Variants in TSPAN8 observed in about 807,000 individuals in gnomAD.
TSPAN8 encodes tetraspanin 8.
A neutral mutation model predicts 32.8 loss-of-function variants in TSPAN8; 21 were observed. The observed-to-expected ratio is 0.64, with a 90% CI of 0.45 to 0.92. The LOEUF (loss-of-function observed/expected upper bound fraction) is 0.92. Among genes scored for constraint, TSPAN8 ranks in the 40% least tolerant of loss-of-function variants. TSPAN8 has a pLI of 0.00. For synonymous variants in TSPAN8, 95 were observed against 94.6 expected (o/e 1.00, Z -0.03); for missense variants, 269 against 281.9 (o/e 0.95, Z 0.33).
intron 8 of TSPAN8, among the ~76,000 whole-genome samples, chr12:71,125,766 A>C (rs1390206): frequency 0.82 from 125,148 of 152,024 alleles, 51,688 homozygotes; most frequent in Admixed American, 0.87. Flanking sequence ...AATATACGTA[A>C]TGCTTCCATA....
At chr12:71,135,260 GAAGA>G (rs2137049447) in intron 6 of TSPAN8, among the ~76,000 whole-genome samples, 1 of 52,702 alleles carries the variant, frequency 1.9e-5, no homozygotes, top group Non-Finnish European at 5.0e-5. Context: ...GAGGAGGTAA[GAAGA>G]GGAGGAGGAG....
intron 8 of TSPAN8, among the ~76,000 whole-genome samples, chr12:71,127,708 T>C (rs1871390728): frequency 6.6e-6 from 1 of 152,220 alleles, no homozygotes; most frequent in Non-Finnish European, 1.5e-5. Context: ...TTTTGTAATC[T>C]TATTTTCCAC....
intron 8 of TSPAN8, among the ~76,000 whole-genome samples, chr12:71,126,840 T>C (rs1159585768): frequency 2.0e-5 from 3 of 151,750 alleles, no homozygotes; most frequent in African/African-American, 7.2e-5. Context: ...ATGAGGAGAG[T>C]ATGATAGTCT....
At chr12:71,136,264 T>C (rs1871694384) in intron 6 of TSPAN8, among the ~76,000 whole-genome samples, 1 of 152,174 alleles carries the variant, frequency 6.6e-6, no homozygotes, top group African/African-American at 2.4e-5. Flanking sequence ...TACTAAATAA[T>C]GTAAATCCTA....
chr12:71,157,243 C>T lies in TSPAN8; in HGVS notation c.60+376G>A, dbSNP rs899214432. On this transcript the variant is annotated intron_variant, in intron 2 of 8. Coordinates refer to ENST00000247829, the MANE Select transcript of TSPAN8 (RefSeq NM_004616.3). ...GAAGTGAAGGGCGGGAATCAGGACC[C>T]GGGCTCCGGATGGAATCAGACCATG... is the stretch of plus-strand genomic sequence containing the variant. The T allele has an allele frequency of 3.4e-5, 6 of 174,338 alleles. No homozygotes were observed. In the South Asian group the frequency reaches 4.5e-4, roughly 13 times the overall value. The allele number at this position is 174,338 out of a possible 1,614,324, so 10.8% of individuals were successfully genotyped here.
rs1565785305 is a variant in TSPAN8, at chr12:71,137,945, C to G, written c.444+8G>C. ...AACTCTTTAAAATGAACAATGAATT[C>G]TAATTACCTCTTCTTGAAACACAAT... is the stretch of plus-strand genomic sequence containing the variant. On this transcript the variant is annotated splice_region_variant and intron_variant, in intron 6 of 8. Transcript: ENST00000247829. The G allele has an allele frequency of 6.2e-7, 1 of 1,608,214 alleles. No homozygotes were observed. Among genetic ancestry groups the G allele is most frequent in the Admixed American group, 1.7e-5 (1 of 59,272 alleles).
intron 8 of TSPAN8, among the ~76,000 whole-genome samples, chr12:71,126,141 A>T (rs1871343183): frequency 6.6e-6 from 1 of 152,060 alleles, no homozygotes; most frequent in African/African-American, 2.4e-5. Flanking sequence ...GCCCCTTTTG[A>T]AGGGAGGATG....
In TSPAN8 at chr12:71,125,710, G is replaced by A. The variant is rs192648158; in HGVS notation, c.661-323C>T. Among the ~76,000 whole-genome samples, 42 of 152,264 alleles carry A rather than the reference G, an allele frequency of 2.8e-4. No homozygotes were observed. In the East Asian group the frequency reaches 6.4e-3, roughly 23 times the overall value. On this transcript the variant is annotated intron_variant, in intron 8 of 8. Coordinates refer to ENST00000247829, the MANE Select transcript of TSPAN8 (RefSeq NM_004616.3). ...TCTGGAACACACACATTCTTCTGCA[G>A]AGCGTCTCCTCTGGAGCACTGGGGA...
chr12:71,138,392 G>A lies in TSPAN8; in HGVS notation c.262-162C>T, dbSNP rs532019671. ...CTTTTTACTTCAAGCTGAAAATTTT[G>A]GGTTCATTACTACTCAGAAAATTGC... is the stretch of plus-strand genomic sequence containing the variant. On this transcript the variant is annotated intron_variant, in intron 4 of 8. Coordinates refer to ENST00000247829, the MANE Select transcript of TSPAN8 (RefSeq NM_004616.3). Among the ~76,000 whole-genome samples, 15 of 152,224 alleles carry A rather than the reference G, an allele frequency of 9.9e-5. 1 individual carries two copies. In the South Asian group the frequency reaches 3.1e-3, roughly 32 times the overall value.
rs113316889 is a variant in TSPAN8 at position 71,135,297 on chromosome 12, GA to G, written c.445-2474del. Among the ~76,000 whole-genome samples the G allele has an allele frequency of 8.3e-3, 1,113 of 134,392 alleles. 15 individuals are homozygous for G. The highest frequency in any genetic ancestry group is 0.03 in the African/African-American group (1,057 of 35,802). 88.2% of individuals were successfully genotyped at this position (134,392 alleles called of 152,430 possible). On this transcript the variant is annotated intron_variant, in intron 6 of 8. Coordinates refer to ENST00000247829, the MANE Select transcript of TSPAN8 (RefSeq NM_004616.3). ...GAGAAGGAAGAAGAAGAAGAAGGAG[GA>G]GGGGGAGGGGGAGGTGGCACAGGGA...
intron 6 of TSPAN8, among the ~76,000 whole-genome samples, chr12:71,135,867 T>C (rs1318488418): frequency 6.6e-6 from 1 of 152,240 alleles, no homozygotes; most frequent in East Asian, 1.9e-4. Context: ...CTGCATAAAT[T>C]CTTCCTTCTT....
intron 7 of TSPAN8, among the ~76,000 whole-genome samples, chr12:71,131,579 A>G (rs1314006928): frequency 6.6e-6 from 1 of 151,562 alleles, no homozygotes; most frequent in African/African-American, 2.4e-5. Context: ...ATTGTGATTT[A>G]TAGTGGTTTT....
intron 6 of TSPAN8, among the ~76,000 whole-genome samples, chr12:71,135,222 G>A (rs1448886933): frequency 1.8e-5 from 1 of 54,542 alleles, no homozygotes; most frequent in Non-Finnish European, 4.9e-5. Context: ...GGAGGAGGAG[G>A]AAGAAGAAGG....
In TSPAN8 at chr12:71,137,991, T is replaced by C; in HGVS notation, c.406A>G (p.Lys136Glu). Residue 136 changes from lysine to glutamate, a missense_variant, in exon 6 of 9, where the codon AAA (lysine) becomes GAA (glutamate). Lys to Glu is a moderately conservative substitution (Grantham distance 56). Transcript: ENST00000247829. ...ACAATTATGGCTTCCTGGAATTGTT[T>C]TTCACTTTCCCCTGTGGCGCTCAAA... ...KLLSATGESEKQFQEAIIVFQ... is the reference protein window; with the variant it reads ...KLLSATGESEEQFQEAIIVFQ... 1.2e-6 allele frequency: 2 copies of C among 1,613,876 alleles called. No individual in the cohort carries two copies. The highest frequency in any genetic ancestry group is 1.7e-4 in the Middle Eastern group (1 of 6,054).
chr12:71,132,567 A>G, intron 7 of TSPAN8, 126 bp downstream of exon 7: 2 of 1,179,520 alleles, frequency 1.7e-6, no homozygotes, highest in South Asian at 1.7e-5. Flanking sequence ...TAATTTGGGA[A>G]ATTTCTGAGA....
At chr12:71,129,232 G>GTTT in intron 8 of TSPAN8, 99 bp downstream of exon 8, 22 of 1,022,584 alleles carry the variant, frequency 2.2e-5, no homozygotes, top group South Asian at 3.6e-5. Context: ...GGTTGTTGTG[G>GTTT]TTTTTTTTTT....
intron 3 of TSPAN8, among the ~76,000 whole-genome samples, chr12:71,140,455 G>A (rs1242196489): frequency 6.6e-6 from 1 of 152,122 alleles, no homozygotes; most frequent in Non-Finnish European, 1.5e-5. Context: ...ACTTCCATGG[G>A]TTAATAAAAA....
chr12:71,146,952 A>T (rs1872096424), intron 2 of TSPAN8, among the ~76,000 whole-genome samples: 1 of 152,142 alleles, frequency 6.6e-6, no homozygotes, highest in South Asian at 2.1e-4. Flanking sequence ...TGGTGACCTT[A>T]TAGGAGATAA....
intron 2 of TSPAN8, among the ~76,000 whole-genome samples, chr12:71,156,269 C>CAAAAAAAAAA (rs1287011627): frequency 3.1e-5 from 1 of 32,512 alleles, no homozygotes; most frequent in African/African-American, 1.3e-4. Flanking sequence ...AAAAAAAAAA[C>CAAAAAAAAAA]AAACAAAAAA....
Sources: allele counts gnomAD v4.1 joint callset (sites outside exome capture counted in the v4.1 genomes callset), GRCh38; gene constraint gnomAD v4.1.1; transcripts MANE v1.5; gene names NCBI Gene and HGNC (gene_info 2026-07-23, HGNC 2026-07-21).